The following STK3 variants were observed in gnomAD, a reference collection of about 807,000 sequenced individuals.
STK3 encodes the protein serine/threonine-protein kinase 3.
Under a neutral mutation model 58.0 loss-of-function variants are expected in STK3, and 41 were observed. That is an observed-to-expected ratio of 0.71 (90% CI 0.55 to 0.92). The LOEUF (loss-of-function observed/expected upper bound fraction) is 0.92. Among genes scored for constraint, STK3 ranks in the 40% least tolerant of loss-of-function variants. STK3 has a pLI of 0.00. For synonymous variants in STK3, 170 were observed against 191.0 expected (o/e 0.89, Z 0.91); for missense variants, 479 against 602.7 (o/e 0.79, Z 2.15).
At chr8:98,752,657 T>C (rs557404488) in intron 3 of STK3, among the ~76,000 whole-genome samples, 6 of 150,136 alleles carry the variant, frequency 4.0e-5, no homozygotes, top group African/African-American at 1.2e-4. Flanking sequence ...AGAGAGTAAA[T>C]AGATAACTTA....
chr8:98,772,632 G>T (rs1831389822), intron 2 of STK3, among the ~76,000 whole-genome samples: 2 of 152,092 alleles, frequency 1.3e-5, no homozygotes, highest in Non-Finnish European at 2.9e-5. Flanking sequence ...CCGGGAGAAG[G>T]ATGCAGTGAG....
intron 4 of STK3, among the ~76,000 whole-genome samples, chr8:98,726,533 A>G (rs1827809574): frequency 6.6e-6 from 1 of 152,216 alleles, no homozygotes; most frequent in Non-Finnish European, 1.5e-5. Context: ...AAGTACACTC[A>G]GAACTCATAC....
At chr8:98,751,777 C>T (rs183551232) in intron 3 of STK3, among the ~76,000 whole-genome samples, 4 of 152,036 alleles carry the variant, frequency 2.6e-5, no homozygotes, top group Non-Finnish European at 5.9e-5. Flanking sequence ...CCCATCTCTA[C>T]TACAAATACA....
At chr8:98,777,143 G>A (rs1369690956) in intron 1 of STK3, among the ~76,000 whole-genome samples, 1 of 152,136 alleles carries the variant, frequency 6.6e-6, no homozygotes, top group African/African-American at 2.4e-5. Context: ...TACCTTCAGA[G>A]TCTGTCAGTA....
intron 1 of STK3, among the ~76,000 whole-genome samples, chr8:98,803,095 T>C (rs894319609): frequency 5.9e-5 from 9 of 152,228 alleles, no homozygotes; most frequent in Non-Finnish European, 1.2e-4. Context: ...TTTTGTTTCA[T>C]ACGGTTTCTC....
Position 98,627,560 on chromosome 8 carries a change from T to C in STK3, c.685-31391A>G, listed in dbSNP as rs182798085. On this transcript the variant is annotated intron_variant, in intron 6 of 10. Coordinates refer to ENST00000419617, the MANE Select transcript of STK3 (RefSeq NM_006281.4). ...CTGAGACTCCTCCCCTTTCTTTTGCTCCTGCTATCACCATGTGACATACTC... is the reference window on the plus strand; with the variant it reads ...CTGAGACTCCTCCCCTTTCTTTTGCCCCTGCTATCACCATGTGACATACTC... Among the ~76,000 whole-genome samples the C allele has an allele frequency of 6.6e-3, 988 of 150,708 alleles. 8 individuals carry two copies. The highest frequency in any genetic ancestry group is 0.011 in the Non-Finnish European group (762 of 67,802).
chr8:98,426,881 A>T (rs1328089271), intron 3 of STK3: 5 of 153,068 alleles, frequency 3.3e-5, no homozygotes, highest in Non-Finnish European at 7.3e-5. Context: ...GGGGAAGCGC[A>T]GAGAAGCAGC....
At chr8:98,587,129 C>G (rs1345254356) in intron 7 of STK3, among the ~76,000 whole-genome samples, 1 of 151,834 alleles carries the variant, frequency 6.6e-6, no homozygotes, top group Non-Finnish European at 1.5e-5. Context: ...TTATTTCTTG[C>G]CTTCTGCTAG....
At chr8:98,937,605 G>T (rs1424913309) in intron 1 of STK3, among the ~76,000 whole-genome samples, 1 of 152,148 alleles carries the variant, frequency 6.6e-6, no homozygotes, top group Non-Finnish European at 1.5e-5. Context: ...AAAGTTCAAG[G>T]TTTCAAACAA....
the STK3 span, among the ~76,000 whole-genome samples, chr8:98,354,211 C>T: frequency 0.35 from 52,841 of 152,118 alleles, 9,824 homozygotes; most frequent in African/African-American, 0.46. Context: ...TGATTTAGGT[C>T]CTAAGTCCTG....
chr8:98,419,372 G>C (rs1326259050), intron 3 of STK3, among the ~76,000 whole-genome samples: 3 of 151,768 alleles, frequency 2.0e-5, no homozygotes, highest in East Asian at 1.9e-4. Flanking sequence ...AAAAAAAAAA[G>C]AGTCTGTGAT....
intron 2 of STK3, 41 bp from the exon 3 acceptor site, chr8:98,767,412 C>A: frequency 6.5e-7 from 1 of 1,531,590 alleles, no homozygotes; most frequent in South Asian, 1.3e-5. Context: ...TATCAAACAT[C>A]GTAACTATAA....
At chr8:98,412,023 T>C (rs1818063803) in intron 3 of STK3, among the ~76,000 whole-genome samples, 1 of 152,170 alleles carries the variant, frequency 6.6e-6, no homozygotes, top group African/African-American at 2.4e-5. Context: ...CAGTTTAAAA[T>C]CAGCTCTCAA....
chr8:98,587,092 T>C (rs1158031089), intron 7 of STK3, among the ~76,000 whole-genome samples: 1 of 152,146 alleles, frequency 6.6e-6, no homozygotes, highest in Non-Finnish European at 1.5e-5. Flanking sequence ...TGTGTCTCTG[T>C]TTCCTTCAGT....
At chr8:98,393,299 T>TGTCACTCCAATGTCCTCAGCCCA (rs1817865407) in intron 3 of STK3, among the ~76,000 whole-genome samples, 1 of 152,180 alleles carries the variant, frequency 6.6e-6, no homozygotes, top group Non-Finnish European at 1.5e-5. Context: ...ACCCTGGGCC[T>TGTCACTCCAATGTCCTCAGCCCA]GTCACTCCAA....
At chr8:98,883,907 T>C (rs1837889068) in intron 1 of STK3, 1 of 553,614 alleles carries the variant, frequency 1.8e-6, no homozygotes, top group South Asian at 2.5e-5. Context: ...ACAAATAGGG[T>C]TGCCGGGGAT....
At chr8:98,383,968 C>T (rs1479429174) in intron 1 of STK3, among the ~76,000 whole-genome samples, 1 of 152,200 alleles carries the variant, frequency 6.6e-6, no homozygotes, top group Non-Finnish European at 1.5e-5. Flanking sequence ...TCCCACATAT[C>T]CAGGTGAGAC....
chr8:98,598,529 C>G, intron 6 of STK3: 2 of 985,404 alleles, frequency 2.0e-6, no homozygotes, highest in Non-Finnish European at 2.4e-6. Context: ...ATTTTCTTGA[C>G]AGCCTTACTG....
At chr8:98,425,950 C>T (rs1818227913) in intron 3 of STK3, among the ~76,000 whole-genome samples, 1 of 152,158 alleles carries the variant, frequency 6.6e-6, no homozygotes, top group South Asian at 2.1e-4. Flanking sequence ...AAGTGGACAC[C>T]ACAGAGAAAC....
Sources: gnomAD v4.1 joint callset for allele counts (sites outside exome capture counted in the v4.1 genomes callset) on GRCh38, gnomAD v4.1.1 for gene constraint, MANE v1.5 for transcripts, NCBI Gene and HGNC (gene_info 2026-07-23, HGNC 2026-07-21) for gene names.